The following ATP11A variants were observed in gnomAD, a reference collection of about 807,000 sequenced individuals.
The protein encoded by ATP11A is ATPase phospholipid transporting 11A, also known as phospholipid-transporting ATPase IH.
Under a neutral mutation model 154.4 loss-of-function variants are expected in ATP11A, and 81 were observed. That is an observed-to-expected ratio of 0.52 (90% CI 0.44 to 0.63). The LOEUF (loss-of-function observed/expected upper bound fraction) is 0.63. Ranked by LOEUF, ATP11A falls within the 30% of genes least tolerant of loss-of-function variation. The pLI, the probability that ATP11A is intolerant of heterozygous loss-of-function variation, is 0.00. For missense variants in ATP11A, 1,316 were observed against 1,474.3 expected (o/e 0.89, Z 1.76); for synonymous variants, 623 against 585.9 (o/e 1.06, Z -0.91).
chr13:112,702,961 GA>G, intron 1 of ATP11A, among the ~76,000 whole-genome samples: 1 of 152,254 alleles, frequency 6.6e-6, no homozygotes, highest in East Asian at 1.9e-4. Context: ...TTTTCATTAT[GA>G]AAAACTGATA....
intron 8 of ATP11A, among the ~76,000 whole-genome samples, chr13:112,823,079 G>A (rs1007466914): frequency 6.6e-6 from 1 of 152,222 alleles, no homozygotes; most frequent in Admixed American, 6.5e-5. Flanking sequence ...GGTCTGGATG[G>A]GGCCTGAGGT....
At chr13:112,834,513 A>G in intron 14 of ATP11A, 76 bp from the exon 15 acceptor site, 1 of 962,816 alleles carries the variant, frequency 1.0e-6, no homozygotes, top group Non-Finnish European at 1.6e-6. Context: ...GCTTTACCAA[A>G]ATATAAAGCA....
chr13:112,751,026 G>A (rs1454399027), intron 1 of ATP11A, among the ~76,000 whole-genome samples: 4 of 152,348 alleles, frequency 2.6e-5, no homozygotes, highest in African/African-American at 4.8e-5. Context: ...GGCATAACAC[G>A]TAGACGGCTG....
chr13:112,876,060 G>T, intron 28 of ATP11A, 119 bp downstream of exon 28: 2 of 1,192,032 alleles, frequency 1.7e-6, no homozygotes, highest in East Asian at 2.5e-5. Context: ...GATCAGTTCA[G>T]GTATCACTAA....
intron 1 of ATP11A, among the ~76,000 whole-genome samples, chr13:112,765,125 G>A (rs565585183): frequency 5.9e-5 from 9 of 151,812 alleles, no homozygotes; most frequent in East Asian, 5.8e-4. Context: ...AGCAAAGTGC[G>A]TTGACAGTGG....
chr13:112,779,378 T>TGGAGTGAGGAGTAGCCGCA (rs2077442177), intron 1 of ATP11A, among the ~76,000 whole-genome samples: 1 of 135,446 alleles, frequency 7.4e-6, no homozygotes, highest in Non-Finnish European at 1.5e-5. Flanking sequence ...GAGTAGCCGC[T>TGGAGTGAGGAGTAGCCGCA]GGAGTGAGTA....
At chr13:112,761,682 A>G (rs1210860699) in intron 1 of ATP11A, among the ~76,000 whole-genome samples, 1 of 149,372 alleles carries the variant, frequency 6.7e-6, no homozygotes, top group East Asian at 2.0e-4. Flanking sequence ...CATCGTGCAC[A>G]TAGGTTTGGG....
intron 26 of ATP11A, among the ~76,000 whole-genome samples, chr13:112,872,970 CT>C (rs757635150): frequency 1.6e-5 from 2 of 126,382 alleles, no homozygotes; most frequent in Admixed American, 7.8e-5. Flanking sequence ...GTGGCTTTGT[CT>C]TCCTGAGCGG....
At chr13:112,763,065 G>C (rs117265657) in intron 1 of ATP11A, among the ~76,000 whole-genome samples, 341 of 152,390 alleles carry the variant, frequency 2.2e-3, no homozygotes, top group African/African-American at 7.1e-3. Flanking sequence ...CGCGGTGGCT[G>C]AGTGCCTGCG....
In ATP11A at chr13:112,785,987, C is replaced by A. The variant is rs2077616354; in HGVS notation, c.162+730C>A. 7.3e-6 allele frequency among the ~76,000 whole-genome samples: 1 copy of A among 136,992 alleles called. No homozygotes were observed. The highest frequency in any genetic ancestry group is 2.7e-5 in the African/African-American group (1 of 36,454). 89.9% of individuals were successfully genotyped at this position (136,992 alleles called of 152,430 possible). Reference sequence around the variant, plus strand: ...GTCCTTCAAAATGGATGAGCTAAACCCACGCACACGCGTGGACGGGCTGCA... The same window carrying A: ...GTCCTTCAAAATGGATGAGCTAAACACACGCACACGCGTGGACGGGCTGCA... On this transcript the variant is annotated intron_variant, in intron 2 of 29. Coordinates refer to ENST00000375645, the MANE Select transcript of ATP11A (RefSeq NM_015205.3). This position sits in a 1 kb window ranked among gnomAD's most constrained non-coding sequence, Gnocchi z 4.8.
chr13:112,881,656 C>T, intron 29 of ATP11A: 1 of 1,201,650 alleles, frequency 8.3e-7, no homozygotes, highest in Admixed American at 3.3e-5. Flanking sequence ...TGGGGTGGAT[C>T]CCGCCCGGCC....
At position 112,690,593 on chromosome 13, in the gene ATP11A, G is replaced by A; in HGVS notation, c.39+138G>A. On this transcript the variant is annotated intron_variant, in intron 1 of 29. Coordinates refer to ENST00000375645, the MANE Select transcript of ATP11A (RefSeq NM_015205.3). This position sits in a 1 kb window ranked among gnomAD's most constrained non-coding sequence, Gnocchi z 5.6. ...GTCTGGGACTCGGACCGCCCCCGGG[G>A]ACGAGCGGGATGCTGGGGAGGGGCC... The A allele has an allele frequency of 5.0e-6, 4 of 802,234 alleles. No homozygotes were observed. Among genetic ancestry groups the A allele is most frequent in the Non-Finnish European group, 6.7e-6 (4 of 600,868 alleles). 49.7% of individuals were successfully genotyped at this position (802,234 alleles called of 1,614,324 possible).
chr13:112,819,213 C>G lies in ATP11A; in HGVS notation c.571-91C>G, dbSNP rs150639204. On this transcript the variant is annotated intron_variant, in intron 6 of 29. Transcript: ENST00000375645. ...ACATTTACAAACTCATAGGGTCAGC[C>G]AGGCTTTGTAATCACTTGGTTGGAG... 16 of 1,026,004 alleles carry G rather than the reference C, an allele frequency of 1.6e-5. No individual in the cohort carries two copies. The East Asian group carries it at 3.8e-4, about 24-fold the overall frequency. 63.6% of individuals were successfully genotyped at this position (1,026,004 alleles called of 1,614,324 possible). A position where few individuals can be genotyped will look rare whatever the true frequency, so the allele number is the denominator to read the frequency against.
intron 12 of ATP11A, among the ~76,000 whole-genome samples, chr13:112,827,171 A>G (rs2078955952): frequency 6.6e-6 from 1 of 152,206 alleles, no homozygotes; most frequent in Admixed American, 6.5e-5. Flanking sequence ...GCTGGTGGGT[A>G]AAAGTGGCTT....
At position 112,830,584 on chromosome 13, in the gene ATP11A, T is replaced by A. The variant is rs979823992; in HGVS notation, c.1222-791T>A. ...GGGTGAGACTCCGTCTCAAAAAAAA[T>A]AAATAAAAATAAAAATGCTTTTGGG... On this transcript the variant is annotated intron_variant, in intron 12 of 29. Coordinates refer to ENST00000375645, the MANE Select transcript of ATP11A (RefSeq NM_015205.3). Among the ~76,000 whole-genome samples, 8 of 152,200 alleles carry A rather than the reference T, an allele frequency of 5.3e-5. No homozygotes were observed. In the South Asian group the frequency reaches 8.3e-4, roughly 16 times the overall value.
intron 1 of ATP11A, among the ~76,000 whole-genome samples, chr13:112,740,146 C>A (rs61961122): frequency 0.027 from 3,064 of 112,392 alleles, 107 homozygotes; most frequent in African/African-American, 0.097. Context: ...CTCTCTCTCT[C>A]TCTATATATA....
intron 1 of ATP11A, among the ~76,000 whole-genome samples, chr13:112,742,599 T>C (rs1891678053): frequency 6.6e-6 from 1 of 152,250 alleles, no homozygotes; most frequent in African/African-American, 2.4e-5. Context: ...ACGATAATTC[T>C]GCGAAGCTAC....
chr13:112,812,976 A>G (rs2078544097), intron 5 of ATP11A, among the ~76,000 whole-genome samples: 1 of 152,212 alleles, frequency 6.6e-6, no homozygotes, highest in Non-Finnish European at 1.5e-5. Flanking sequence ...AAATAGACCT[A>G]AACAGTGTCT....
intron 1 of ATP11A, among the ~76,000 whole-genome samples, chr13:112,740,676 AG>A (rs1174612361): frequency 1.3e-5 from 2 of 152,208 alleles, no homozygotes; most frequent in African/African-American, 4.8e-5. Context: ...CGTGCTGCCC[AG>A]GGAGCTCAGT....
Sources: gnomAD v4.1 joint callset for allele counts (sites outside exome capture counted in the v4.1 genomes callset) on GRCh38, gnomAD v4.1.1 for gene constraint, Gnocchi (gnomAD v3.1) non-coding constraint, MANE v1.5 for transcripts, NCBI Gene and HGNC (gene_info 2026-07-23, HGNC 2026-07-21) for gene names.